DOCK1: variants seen among roughly 807,000 people sequenced by gnomAD.
DOCK1 encodes the protein dedicator of cytokinesis protein 1.
A neutral mutation model predicts 262.7 loss-of-function variants in DOCK1; 138 were observed. That is an observed-to-expected ratio of 0.53 (90% CI 0.46 to 0.61). DOCK1 has a LOEUF of 0.61. Among genes scored for constraint, DOCK1 ranks in the 20% least tolerant of loss-of-function variants. The pLI, the probability that DOCK1 is intolerant of heterozygous loss-of-function variation, is 0.00. For synonymous variants in DOCK1, 866 were observed against 867.4 expected (o/e 1.00, Z 0.03); for missense variants, 1,908 against 2,370.7 (o/e 0.80, Z 4.05).
intron 1 of DOCK1, among the ~76,000 whole-genome samples, chr10:126,927,553 C>T (rs1353156677): frequency 1.3e-5 from 2 of 152,172 alleles, no homozygotes; most frequent in Non-Finnish European, 2.9e-5. Flanking sequence ...TCTCCTGCCT[C>T]AGCCTCCCGA....
intron 40 of DOCK1, among the ~76,000 whole-genome samples, chr10:127,405,213 G>C (rs1590919896): frequency 6.6e-6 from 1 of 152,164 alleles, no homozygotes; most frequent in Non-Finnish European, 1.5e-5. Flanking sequence ...TCCAAACCAG[G>C]CTCCATCCCT....
At chr10:127,324,793 G>A (rs2062687552) in intron 29 of DOCK1, among the ~76,000 whole-genome samples, 1 of 152,150 alleles carries the variant, frequency 6.6e-6, no homozygotes, top group Admixed American at 6.6e-5. Context: ...TCTGTTCTTA[G>A]GCTTCATAAA....
chr10:127,090,235 C>T (rs2047436343), intron 23 of DOCK1, among the ~76,000 whole-genome samples: 1 of 152,138 alleles, frequency 6.6e-6, no homozygotes, highest in Non-Finnish European at 1.5e-5. Context: ...GGGTACCAGG[C>T]AGTGGCACCG....
intron 6 of DOCK1, among the ~76,000 whole-genome samples, chr10:126,991,822 C>T (rs2039809651): frequency 6.6e-6 from 1 of 152,234 alleles, no homozygotes; most frequent in East Asian, 1.9e-4. Flanking sequence ...AGCCACTGCT[C>T]CCAGCCGGAA....
At chr10:127,004,794 A>G (rs1235079613) in intron 10 of DOCK1, among the ~76,000 whole-genome samples, 2 of 131,474 alleles carry the variant, frequency 1.5e-5, no homozygotes, top group Non-Finnish European at 3.2e-5. Flanking sequence ...CAAAAAAAAG[A>G]AAAAAGTCTT....
At chr10:127,244,693 A>G (rs1018314540) in intron 27 of DOCK1, among the ~76,000 whole-genome samples, 5 of 152,098 alleles carry the variant, frequency 3.3e-5, no homozygotes, top group Admixed American at 2.0e-4. Context: ...CTGCAAGTAT[A>G]TCCTGACTTC....
At chr10:127,433,616 G>A (rs983239427) in intron 48 of DOCK1, among the ~76,000 whole-genome samples, 188 bp downstream of exon 48, 1 of 152,062 alleles carries the variant, frequency 6.6e-6, no homozygotes. Context: ...GGTCGTGTGA[G>A]TTGTTGAGAA....
intron 27 of DOCK1, among the ~76,000 whole-genome samples, chr10:127,240,710 GC>G (rs929779709): frequency 2.0e-5 from 3 of 151,776 alleles, no homozygotes; most frequent in South Asian, 2.1e-4. Flanking sequence ...TATACTCCCC[GC>G]CCCCTTAATC....
At chr10:127,288,475 C>CT (rs888848765) in intron 29 of DOCK1, among the ~76,000 whole-genome samples, 8 of 151,652 alleles carry the variant, frequency 5.3e-5, no homozygotes, top group Admixed American at 1.3e-4. Context: ...AATACATTTT[C>CT]TTTTTTTTAA....
chr10:127,131,859 C>G (rs368892912), intron 27 of DOCK1, among the ~76,000 whole-genome samples: 2 of 152,136 alleles, frequency 1.3e-5, no homozygotes, highest in Admixed American at 6.5e-5. Flanking sequence ...ATGTGTTACT[C>G]ATTTTTGCTA....
chr10:127,300,365 G>T (rs1011172691), intron 29 of DOCK1, among the ~76,000 whole-genome samples: 2 of 152,174 alleles, frequency 1.3e-5, no homozygotes, highest in African/African-American at 4.8e-5. Flanking sequence ...AGCCAAACAG[G>T]AAATGAGCCA....
intron 1 of DOCK1, among the ~76,000 whole-genome samples, chr10:126,948,556 G>C (rs1258279861): frequency 5.9e-5 from 9 of 151,910 alleles, no homozygotes; most frequent in African/African-American, 1.9e-4. Context: ...TTTACGTGGG[G>C]TGGGGTCGGG....
At chr10:127,022,568 G>A (rs1406636696) in intron 13 of DOCK1, among the ~76,000 whole-genome samples, 1 of 151,940 alleles carries the variant, frequency 6.6e-6, no homozygotes, top group Non-Finnish European at 1.5e-5. Flanking sequence ...GCTAATTTTT[G>A]TATTTTTAGT....
intron 29 of DOCK1, among the ~76,000 whole-genome samples, chr10:127,313,186 G>A (rs565841912): frequency 1.3e-5 from 2 of 152,120 alleles, no homozygotes; most frequent in East Asian, 3.9e-4. Context: ...CCAGACCCTC[G>A]TCTTCCTCTA....
At chr10:126,945,519 T>A (rs954346534) in intron 1 of DOCK1, among the ~76,000 whole-genome samples, 24 of 152,160 alleles carry the variant, frequency 1.6e-4, no homozygotes, top group African/African-American at 5.5e-4. Flanking sequence ...AGAGCCCTTT[T>A]GTAACTGAAT....
chr10:127,144,078 C>A (rs1411268792), intron 27 of DOCK1, among the ~76,000 whole-genome samples: 2 of 152,130 alleles, frequency 1.3e-5, no homozygotes, highest in Non-Finnish European at 2.9e-5. Context: ...TCCTTCCTCT[C>A]CGCCCACCTT....
At chr10:126,922,170 A>ACTTCAGACCATTGGCGCC (rs2033262452) in intron 1 of DOCK1, among the ~76,000 whole-genome samples, 1 of 147,474 alleles carries the variant, frequency 6.8e-6, no homozygotes, top group Non-Finnish European at 1.5e-5. Context: ...AGATTGCATC[A>ACTTCAGACCATTGGCGCC]CTGCATTTCA....
At chr10:127,311,532 A>G (rs1418879187) in intron 29 of DOCK1, among the ~76,000 whole-genome samples, 1 of 152,152 alleles carries the variant, frequency 6.6e-6, no homozygotes. Flanking sequence ...GGAATTTTGG[A>G]TGTTCAGATT....
intron 46 of DOCK1, among the ~76,000 whole-genome samples, chr10:127,423,711 G>T (rs1044976272): frequency 6.6e-6 from 1 of 152,174 alleles, no homozygotes; most frequent in African/African-American, 2.4e-5. Context: ...AAGCATGACT[G>T]TTGTGTCCAG....
Sources: allele counts gnomAD v4.1 joint callset (sites outside exome capture counted in the v4.1 genomes callset), GRCh38; gene constraint gnomAD v4.1.1; transcripts MANE v1.5; gene names NCBI Gene and HGNC (gene_info 2026-07-23, HGNC 2026-07-21).